PRKAB1: variants seen among roughly 807,000 people sequenced by gnomAD.
PRKAB1 encodes protein kinase AMP-activated non-catalytic subunit beta 1.
Under a neutral mutation model 32.0 loss-of-function variants are expected in PRKAB1, and 18 were observed. That is an observed-to-expected ratio of 0.56 (90% CI 0.39 to 0.83). The LOEUF is 0.83. Ranked by LOEUF, PRKAB1 falls within the 40% of genes least tolerant of loss-of-function variation. The probability of loss-of-function intolerance (pLI) is 0.00; values close to 1 mark genes in which losing one functional copy is unlikely to be tolerated. For synonymous variants in PRKAB1, 141 were observed against 141.4 expected, an observed-to-expected ratio of 1.00 and a Z score of 0.02; for missense variants, 263 against 352.6, an observed-to-expected ratio of 0.75 and a Z score of 2.03.
chr12:119,672,478 G>A lies in PRKAB1; in HGVS notation c.323+14G>A. The A allele has an allele frequency of 1.3e-6, 2 of 1,549,036 alleles. No homozygotes were observed. Among genetic ancestry groups the A allele is most frequent in the Non-Finnish European group, 1.7e-6 (2 of 1,144,788 alleles). On this transcript the variant is annotated intron_variant, in intron 2 of 6. Coordinates refer to ENST00000229328, the MANE Select transcript of PRKAB1 (RefSeq NM_006253.5). ...CCTCACCAGAAGGTAATTGCCTGGG[G>A]AGTGTTCACATATTTGTCTTAACAT...
At chr12:119,668,477 C>G in intron 1 of PRKAB1, 74 bp downstream of exon 1, 1 of 1,548,052 alleles carries the variant, frequency 6.5e-7, no homozygotes, top group Non-Finnish European at 8.7e-7. Context: ...AGATTCCCGT[C>G]ACATCCTTTC....
In PRKAB1 at chr12:119,668,358, G is replaced by T; in HGVS notation, c.114G>T (p.Met38Ile). Residue 38 changes from methionine to isoleucine, a missense_variant, in exon 1 of 7, where the codon ATG (methionine) becomes ATT (isoleucine). Met to Ile is a conservative substitution (Grantham distance 10). Coordinates refer to ENST00000229328, the MANE Select transcript of PRKAB1 (RefSeq NM_006253.5). ...ACGGGGACAGGCCCAAGATCCTGAT[G>T]GACAGCCCCGAAGACGCCGACCTCT... ...TKDGDRPKIL[M>I]DSPEDADLFH... The T allele has an allele frequency of 6.2e-7, 1 of 1,613,536 alleles. No individual in the cohort carries two copies. The highest frequency in any genetic ancestry group is 2.2e-5 in the East Asian group (1 of 44,846).
intron 5 of PRKAB1, chr12:119,677,397 C>A: frequency 6.6e-6 from 1 of 152,412 alleles, no homozygotes. Flanking sequence ...GCAGGTGTCC[C>A]TACAGTGGTC....
At chr12:119,676,804 C>T in intron 5 of PRKAB1, 134 bp downstream of exon 5, 1 of 1,239,650 alleles carries the variant, frequency 8.1e-7, no homozygotes, top group Non-Finnish European at 1.1e-6. Context: ...GTGCCGTTCA[C>T]CTCTGCTGTG....
rs1487205099 is a variant in PRKAB1, at chr12:119,668,137, C to A, written c.-108C>A. 3.1e-6 allele frequency: 4 copies of A among 1,304,436 alleles called. No homozygotes were observed. Among genetic ancestry groups the A allele is most frequent in the Admixed American group, 3.7e-5 (1 of 26,880 alleles). 80.8% of individuals were successfully genotyped at this position (1,304,436 alleles called of 1,614,324 possible). A position where few individuals can be genotyped will look rare whatever the true frequency, so the allele number is the denominator to read the frequency against. ...GGCGTGGTGTCCTGGTGCTCCGACT[C>A]CTTCCGCAGGCTCCTTGGGACCCGC... On this transcript the variant is annotated 5_prime_UTR_variant, in exon 1 of 7. Coordinates refer to ENST00000229328, the MANE Select transcript of PRKAB1 (RefSeq NM_006253.5).
chr12:119,678,080 A>G (rs1304360571), intron 5 of PRKAB1: 1 of 151,998 alleles, frequency 6.6e-6, no homozygotes, highest in African/African-American at 2.4e-5. Flanking sequence ...TGTTTTTTCT[A>G]GAAAAGGGAG....
Position 119,676,575 on chromosome 12 carries a change from C to A in PRKAB1, c.571C>A (p.Pro191Thr), listed in dbSNP as rs1471748180. 1 of 1,613,620 alleles carries A rather than the reference C, an allele frequency of 6.2e-7. No individual in the cohort carries two copies. Among genetic ancestry groups the A allele is most frequent in the African/African-American group, 1.3e-5 (1 of 75,024 alleles). Residue 191 changes from proline (P) to threonine (T), a missense_variant, in exon 5 of 7, where the codon CCC becomes ACC. Pro to Thr is a conservative substitution (Grantham distance 38). Transcript: ENST00000229328. Reference protein sequence around the residue: ...SSPPGPYHQEPYVCKPEERFR... With the variant: ...SSPPGPYHQETYVCKPEERFR... ...TCCCCCAGGACCCTACCATCAGGAG[C>A]CCTACGTCTGCAAACCCGAAGAGCG...
intron 4 of PRKAB1, among the ~76,000 whole-genome samples, chr12:119,676,242 G>A (rs1955424770): frequency 1.3e-5 from 2 of 152,160 alleles, no homozygotes; most frequent in Admixed American, 1.3e-4. Context: ...GTGCGTGTGG[G>A]ATTAAGTTAT....
At chr12:119,675,557 G>C (rs1332161869) in intron 4 of PRKAB1, among the ~76,000 whole-genome samples, 1 of 152,170 alleles carries the variant, frequency 6.6e-6, no homozygotes, top group Non-Finnish European at 1.5e-5. Context: ...AAGCTTTTTA[G>C]TCAAATTTCC....
In PRKAB1 at chr12:119,676,522, A is replaced by G. The variant is rs1321809382; in HGVS notation, c.533-15A>G. ...CTGATTTTCAAAGTAAAGTCCTGTT[A>G]CCATCTCCCAACAGAGCTGTCCAGT... On this transcript the variant is annotated splice_polypyrimidine_tract_variant and intron_variant, in intron 4 of 6. Coordinates refer to ENST00000229328, the MANE Select transcript of PRKAB1 (RefSeq NM_006253.5). 1.9e-6 allele frequency: 3 copies of G among 1,596,260 alleles called. No individual in the cohort carries two copies. The highest frequency in any genetic ancestry group is 2.2e-5 in the South Asian group (2 of 89,594).
At chr12:119,673,914 C>CG (rs781402276) in intron 2 of PRKAB1, 50 bp from the exon 3 acceptor site, 8 of 1,511,880 alleles carry the variant, frequency 5.3e-6, no homozygotes, top group South Asian at 2.4e-5. Flanking sequence ...CAAGTAAGCT[C>CG]GGGGGGCAGC....
rs1955456002 is a variant in PRKAB1 at position 119,680,361 on chromosome 12, C to T, written c.*36C>T. 6.4e-7 allele frequency: 1 copy of T among 1,559,096 alleles called. No homozygotes were observed. Among genetic ancestry groups the T allele is most frequent in the Non-Finnish European group, 8.8e-7 (1 of 1,132,590 alleles). The stretch of plus-strand genomic sequence containing the variant: ...GCGGATGGTGGCCCAGGAGACAGCA[C>T]ACCACCAGGCTCCACACGTGCATGC... On this transcript the variant is annotated 3_prime_UTR_variant, in exon 7 of 7. Transcript: ENST00000229328.
chr12:119,673,161 T>G (rs1021719694), intron 2 of PRKAB1, among the ~76,000 whole-genome samples: 1 of 152,172 alleles, frequency 6.6e-6, no homozygotes, highest in Non-Finnish European at 1.5e-5. Flanking sequence ...GCCTGAGAGG[T>G]CAGTGCTGTA....
At chr12:119,678,269 A>G (rs1353702167) in intron 5 of PRKAB1, 1 of 152,190 alleles carries the variant, frequency 6.6e-6, no homozygotes, top group African/African-American at 2.4e-5. Context: ...TTTTGCCCCA[A>G]ACTAATCTTA....
chr12:119,672,180 A>G, intron 1 of PRKAB1, 121 bp from the exon 2 acceptor site: 1 of 1,031,794 alleles, frequency 9.7e-7, no homozygotes. Flanking sequence ...CACCACTAGT[A>G]AGTTTCCGAT....
At chr12:119,670,361 G>A (rs1168682824) in intron 1 of PRKAB1, among the ~76,000 whole-genome samples, 3 of 152,168 alleles carry the variant, frequency 2.0e-5, no homozygotes, top group African/African-American at 7.2e-5. Context: ...GTTGAGCGAG[G>A]TGATCACATC....
At position 119,668,257 on chromosome 12, in the gene PRKAB1, A is replaced by G; in HGVS notation, c.13A>G (p.Ser5Gly). The G allele has an allele frequency of 6.2e-7, 1 of 1,606,230 alleles. No individual in the cohort carries two copies. The highest frequency in any genetic ancestry group is 8.5e-7 in the Non-Finnish European group (1 of 1,177,344). ...GCAGACCCCCATCATGGGCAATACC[A>G]GCAGTGAGCGCGCCGCGCTGGAGCG... MGNT[S>G]SERAALERHG... The change falls in exon 1 of 7, where the codon AGC (serine) becomes GGC (glycine). Residue 5 changes from serine to glycine, a missense_variant. Physicochemically the swap from Ser to Gly is moderately conservative, Grantham distance 56 (BLOSUM62 0). Transcript: ENST00000229328.
chr12:119,672,286 C>G lies in PRKAB1; in HGVS notation c.160-15C>G. On this transcript the variant is annotated splice_polypyrimidine_tract_variant and intron_variant, in intron 1 of 6. Coordinates refer to ENST00000229328, the MANE Select transcript of PRKAB1 (RefSeq NM_006253.5). Reference sequence around the variant, plus strand: ...GCTCGCTTATGGCTTTCTGAGTAAACTGCTCTGCTTCTAGGCACCAGAGAA... The same window carrying G: ...GCTCGCTTATGGCTTTCTGAGTAAAGTGCTCTGCTTCTAGGCACCAGAGAA... The G allele has an allele frequency of 6.3e-7, 1 of 1,590,628 alleles. No individual in the cohort carries two copies. The highest frequency in any genetic ancestry group is 8.6e-7 in the Non-Finnish European group (1 of 1,168,558).
chr12:119,673,122 C>T (rs1003155557), intron 2 of PRKAB1, among the ~76,000 whole-genome samples: 1 of 152,082 alleles, frequency 6.6e-6, no homozygotes, highest in Admixed American at 6.5e-5. Context: ...CCCAGCTACT[C>T]GGGAGGCTGA....
Sources: allele counts gnomAD v4.1 joint callset (sites outside exome capture counted in the v4.1 genomes callset), GRCh38; gene constraint gnomAD v4.1.1; transcripts MANE v1.5; gene names NCBI Gene and HGNC (gene_info 2026-07-23, HGNC 2026-07-21).